IL1A: variants seen among roughly 807,000 people sequenced by gnomAD.
IL1A encodes interleukin 1 alpha.
A neutral mutation model predicts 22.2 loss-of-function variants in IL1A; 16 were observed. The ratio of observed to expected loss-of-function variants is 0.72; its 90% confidence interval spans 0.49 to 1.09. IL1A has a LOEUF of 1.09. Among genes scored for constraint, IL1A ranks in the 50% least tolerant of loss-of-function variants. The probability of loss-of-function intolerance (pLI) is 0.00; values close to 1 mark genes in which losing one functional copy is unlikely to be tolerated. For synonymous variants in IL1A, 113 were observed against 118.5 expected (o/e 0.95, Z 0.30); for missense variants, 317 against 321.8 (o/e 0.99, Z 0.11).
chr2:112,782,909 A>G (rs1681239269), intron 2 of IL1A, 145 bp from the exon 3 acceptor site: 1 of 616,246 alleles, frequency 1.6e-6, no homozygotes, highest in South Asian at 2.0e-5. Flanking sequence ...ACTTCTACAC[A>G]TACACATAGG....
intron 6 of IL1A, among the ~76,000 whole-genome samples, chr2:112,775,842 C>A (rs1681093572): frequency 6.6e-6 from 1 of 152,138 alleles, no homozygotes; most frequent in African/African-American, 2.4e-5. Context: ...ATGTACTTTT[C>A]TTGTGAGTAT....
chr2:112,777,872 T>C, intron 6 of IL1A, 115 bp downstream of exon 6: 1 of 1,058,796 alleles, frequency 9.4e-7, no homozygotes, highest in Non-Finnish European at 1.4e-6. Context: ...AGGTGGGGGC[T>C]GTGGTAGGAA....
At position 112,778,113 on chromosome 2, in the gene IL1A, TG is replaced by T; in HGVS notation, c.491-3del. 6.2e-7 allele frequency: 1 copy of T among 1,612,070 alleles called. No individual in the cohort carries two copies. Among genetic ancestry groups the T allele is most frequent in the Non-Finnish European group, 8.5e-7 (1 of 1,179,084 alleles). ...TATAAGCACCCATGTCAAATTTCAC[TG>T]GTGAAGAGAAGAACCAAAAAGAAAG... On this transcript the variant is annotated splice_region_variant and splice_polypyrimidine_tract_variant and intron_variant, in intron 5 of 6. Coordinates refer to ENST00000263339, the MANE Select transcript of IL1A (RefSeq NM_000575.5).
chr2:112,775,371 A>G, intron 6 of IL1A, 104 bp from the exon 7 acceptor site: 4 of 800,020 alleles, frequency 5.0e-6, no homozygotes, highest in Non-Finnish European at 8.5e-6. Context: ...GCACTTTAGG[A>G]CTATGGCTGT....
chr2:112,782,852 G>T (rs1681238342), intron 2 of IL1A, 88 bp from the exon 3 acceptor site: 3 of 942,432 alleles, frequency 3.2e-6, no homozygotes, highest in Non-Finnish European at 1.7e-6. Flanking sequence ...ATAGTTGTGG[G>T]TCACACACAT....
chr2:112,782,586 G>A, intron 3 of IL1A, 130 bp downstream of exon 3: 1 of 666,010 alleles, frequency 1.5e-6, no homozygotes, highest in Non-Finnish European at 2.7e-6. Flanking sequence ...TATAATGAAA[G>A]ACAGGTCTCT....
chr2:112,781,428 G>A (rs1457770654), intron 4 of IL1A, among the ~76,000 whole-genome samples, 176 bp downstream of exon 4: 1 of 152,146 alleles, frequency 6.6e-6, no homozygotes, highest in African/African-American at 2.4e-5. Context: ...TCAGGCCACT[G>A]CTCATTTCTC....
chr2:112,779,230 G>T (rs1250489794), intron 5 of IL1A, among the ~76,000 whole-genome samples: 1 of 152,056 alleles, frequency 6.6e-6, no homozygotes, highest in Non-Finnish European at 1.5e-5. Context: ...GAACCAAAGA[G>T]GTAGTACATC....
intron 4 of IL1A, among the ~76,000 whole-genome samples, chr2:112,781,352 G>A (rs1385008756): frequency 6.6e-6 from 1 of 152,188 alleles, no homozygotes; most frequent in East Asian, 1.9e-4. Flanking sequence ...TCTCCTGAAA[G>A]GCTAAAAGTC....
intron 5 of IL1A, 83 bp from the exon 6 acceptor site, chr2:112,778,194 G>T: frequency 2.3e-5 from 2 of 88,880 alleles, no homozygotes; most frequent in East Asian, 3.3e-4. Flanking sequence ...TGTGTGCATG[G>T]TGTGTGTGTG....
At chr2:112,777,950 G>T in intron 6 of IL1A, 37 bp downstream of exon 6, 2 of 1,610,990 alleles carry the variant, frequency 1.2e-6, no homozygotes, top group Non-Finnish European at 1.7e-6. Context: ...CATATGAGAT[G>T]TAAATGAAGG....
At chr2:112,782,591 G>A (rs1488482318) in intron 3 of IL1A, 125 bp downstream of exon 3, 2 of 681,380 alleles carry the variant, frequency 2.9e-6, no homozygotes, top group African/African-American at 1.8e-5. Flanking sequence ...TGAAAGACAG[G>A]TCTCTGGACC....
intron 6 of IL1A, among the ~76,000 whole-genome samples, 189 bp downstream of exon 6, chr2:112,777,798 C>T (rs571103548): frequency 6.6e-6 from 1 of 152,310 alleles, no homozygotes; most frequent in Admixed American, 6.5e-5. Context: ...CTCTTACTCT[C>T]TGTTATATTT....
At chr2:112,781,860 T>C (rs1681213002) in intron 3 of IL1A, 34 bp from the exon 4 acceptor site, 1 of 1,490,502 alleles carries the variant, frequency 6.7e-7, no homozygotes, top group African/African-American at 1.4e-5. Context: ...TGAGAGGCTG[T>C]TCATGGTCAG....
In IL1A at chr2:112,774,910, T is replaced by A. The variant is rs1413142136; in HGVS notation, c.*157A>T. The A allele has an allele frequency of 3.3e-6, 2 of 608,932 alleles. No homozygotes were observed. The allele number at this position is 608,932 out of a possible 1,614,324, so 37.7% of individuals were successfully genotyped here. A position where few individuals can be genotyped will look rare whatever the true frequency, so the allele number is the denominator to read the frequency against. On this transcript the variant is annotated 3_prime_UTR_variant, in exon 7 of 7. Coordinates refer to ENST00000263339, the MANE Select transcript of IL1A (RefSeq NM_000575.5). ...AAATAACAACATTATATGTTAGTGT[T>A]GGTTCCACTCTTACAAAGAGTGTAA...
intron 5 of IL1A, among the ~76,000 whole-genome samples, chr2:112,779,105 G>C (rs1681150134): frequency 6.6e-6 from 1 of 152,214 alleles, no homozygotes; most frequent in Admixed American, 6.5e-5. Context: ...TTGATCAACA[G>C]ACTTTTTAAA....
intron 4 of IL1A, among the ~76,000 whole-genome samples, chr2:112,781,211 T>C (rs913266520): frequency 1.3e-5 from 2 of 152,088 alleles, no homozygotes; most frequent in Admixed American, 1.3e-4. Context: ...AGCAGTCCAA[T>C]GAGTGGGGGA....
At chr2:112,777,276 T>A (rs1681114769) in intron 6 of IL1A, among the ~76,000 whole-genome samples, 1 of 152,218 alleles carries the variant, frequency 6.6e-6, no homozygotes, top group South Asian at 2.1e-4. Context: ...GAATAATGCT[T>A]GTTGAATGAG....
In IL1A at chr2:112,782,432, C is replaced by T. The variant is rs532438791; in HGVS notation, c.96+284G>A. Among the ~76,000 whole-genome samples the T allele has an allele frequency of 2.6e-5, 4 of 152,208 alleles. No homozygotes were observed. In the East Asian group the frequency reaches 7.7e-4, roughly 29 times the overall value. The stretch of plus-strand genomic sequence containing the variant: ...ACACCTGGTGAAGCGGCCTGCGGGG[C>T]CTTTCTCAGGATGGCATAACTAACA... On this transcript the variant is annotated intron_variant, in intron 3 of 6. Coordinates refer to ENST00000263339, the MANE Select transcript of IL1A (RefSeq NM_000575.5).
Sources: allele counts gnomAD v4.1 joint callset (sites outside exome capture counted in the v4.1 genomes callset), GRCh38; gene constraint gnomAD v4.1.1; transcripts MANE v1.5; gene names NCBI Gene and HGNC (gene_info 2026-07-23, HGNC 2026-07-21).